Variants in HEATR5A observed in about 807,000 individuals in gnomAD.
HEATR5A encodes HEAT repeat containing 5A, also known as HEAT repeat-containing protein 5A.
Under a neutral mutation model 218.8 loss-of-function variants are expected in HEATR5A, and 178 were observed. The observed-to-expected ratio is 0.81, with a 90% confidence interval of 0.72 to 0.92. The LOEUF (loss-of-function observed/expected upper bound fraction) is 0.92, where lower values mean the gene tolerates loss of function less well. Ranked by LOEUF, HEATR5A falls within the 40% of genes least tolerant of loss-of-function variation. The pLI is 0.00. For synonymous variants in HEATR5A, 864 were observed against 871.6 expected, an observed-to-expected ratio of 0.99 and a Z score of 0.15; for missense variants, 2,420 against 2,418.9, an observed-to-expected ratio of 1.00 and a Z score of -0.01.
intron 20 of HEATR5A, 61 bp from the exon 21 acceptor site, chr14:31,344,126 T>C (rs1900934289): frequency 3.0e-6 from 3 of 1,000,882 alleles, no homozygotes; most frequent in Non-Finnish European, 2.7e-6. Flanking sequence ...TCTTTAAACA[T>C]ATATTACAGG....
At chr14:31,387,825 G>A (rs2030293952) in intron 7 of HEATR5A, among the ~76,000 whole-genome samples, 1 of 152,172 alleles carries the variant, frequency 6.6e-6, no homozygotes, top group Non-Finnish European at 1.5e-5. Context: ...CTCCCAAAGT[G>A]CTGGGATTAC....
rs1397348504 is a variant in HEATR5A at position 31,336,213 on chromosome 14, CATACATATATATATATATATATATAT to C, written c.3367+1237_3367+1262del. Among the ~76,000 whole-genome samples the C allele has an allele frequency of 6.2e-4, 56 of 90,742 alleles. 2 individuals are homozygous for C. The highest frequency in any genetic ancestry group is 1.9e-3 in the East Asian group (5 of 2,694). 59.5% of individuals were successfully genotyped at this position (90,742 alleles called of 152,430 possible). On this transcript the variant is annotated intron_variant, in intron 22 of 35. Transcript: ENST00000543095. ...AGGGGGTTATTTTTATATATACATA[CATACATATATATATATATATATATAT>C]ATATATATATATATATATATATATA...
intron 16 of HEATR5A, among the ~76,000 whole-genome samples, chr14:31,353,515 C>T (rs542555613): frequency 1.3e-4 from 20 of 152,146 alleles, no homozygotes; most frequent in East Asian, 1.9e-4. Context: ...GCAGGAGGAT[C>T]GCTTGAGCCC....
At chr14:31,390,970 C>T (rs1319333130) in intron 6 of HEATR5A, among the ~76,000 whole-genome samples, 4 of 152,078 alleles carry the variant, frequency 2.6e-5, no homozygotes, top group Non-Finnish European at 4.4e-5. Context: ...TGAAGACCAT[C>T]CAGTGGGACA....
Position 31,334,396 on chromosome 14 carries a change from G to C in HEATR5A, c.3367+3080C>G, listed in dbSNP as rs1188550129. The C allele has an allele frequency of 1.3e-5, 6 of 455,994 alleles. No homozygotes were observed. The Admixed American group carries it at 1.4e-4, about 11-fold the overall frequency. The allele number at this position is 455,994 out of a possible 1,614,324, so 28.2% of individuals were successfully genotyped here. A position where few individuals can be genotyped will look rare whatever the true frequency, so the allele number is the denominator to read the frequency against. ...AAGTAACTGAAAACCTTCTGGAAAGGATTATCATTCTAGATGGTTTCTGCA... is the reference window on the plus strand; with the variant it reads ...AAGTAACTGAAAACCTTCTGGAAAGCATTATCATTCTAGATGGTTTCTGCA... On this transcript the variant is annotated intron_variant, in intron 22 of 35. Transcript: ENST00000543095.
At chr14:31,335,816 T>C (rs1900630661) in intron 22 of HEATR5A, among the ~76,000 whole-genome samples, 1 of 151,760 alleles carries the variant, frequency 6.6e-6, no homozygotes. Context: ...ACCACACAGA[T>C]CTAATTTTTT....
chr14:31,390,688 C>T (rs932829350), intron 6 of HEATR5A, among the ~76,000 whole-genome samples: 1 of 152,114 alleles, frequency 6.6e-6, no homozygotes, highest in Non-Finnish European at 1.5e-5. Context: ...ACATTACTCA[C>T]GTGTCTGTGG....
intron 10 of HEATR5A, 36 bp downstream of exon 10, chr14:31,383,485 C>A: frequency 6.4e-7 from 1 of 1,556,696 alleles, no homozygotes; most frequent in Non-Finnish European, 8.7e-7. Context: ...TAACAAAAAG[C>A]ACCTCATTAT....
At chr14:31,352,677 G>C (rs1021589820) in intron 16 of HEATR5A, among the ~76,000 whole-genome samples, 1 of 152,142 alleles carries the variant, frequency 6.6e-6, no homozygotes, top group Admixed American at 6.6e-5. Context: ...TGTAATAAAG[G>C]CCAGGCGCAA....
rs770464678 is a variant in HEATR5A, at chr14:31,318,178, C to T, written c.4038+46G>A. On this transcript the variant is annotated intron_variant, in intron 26 of 35. Coordinates refer to ENST00000543095, the MANE Select transcript of HEATR5A (RefSeq NM_015473.4). ...TGGTAAAAAAATACTAACTGGAGGA[C>T]TGCTTCCCAAGATTATCTCTTAAGC... is the stretch of plus-strand genomic sequence containing the variant. The T allele has an allele frequency of 2.0e-6, 3 of 1,510,190 alleles. No homozygotes were observed. In the South Asian group the frequency reaches 3.4e-5, roughly 17 times the overall value. The allele number at this position is 1,510,190 out of a possible 1,614,324, so 93.5% of individuals were successfully genotyped here. A position where few individuals can be genotyped will look rare whatever the true frequency, so the allele number is the denominator to read the frequency against.
chr14:31,336,608 C>T (rs1288391847), intron 22 of HEATR5A, among the ~76,000 whole-genome samples: 1 of 152,064 alleles, frequency 6.6e-6, no homozygotes, highest in African/African-American at 2.4e-5. Flanking sequence ...CTAAGAAATC[C>T]TTTAATTCAG....
intron 3 of HEATR5A, among the ~76,000 whole-genome samples, chr14:31,399,488 T>G (rs1401672861): frequency 6.6e-6 from 1 of 152,226 alleles, no homozygotes; most frequent in Non-Finnish European, 1.5e-5. Context: ...TATGGGGGAA[T>G]ACATTCTGTT....
At chr14:31,405,059 C>CAAAAAAAAA (rs386381028) in intron 1 of HEATR5A, among the ~76,000 whole-genome samples, 1 of 97,894 alleles carries the variant, frequency 1.0e-5, no homozygotes. Flanking sequence ...CTGTCTCCAC[C>CAAAAAAAAA]AAAAAAAAAA....
At chr14:31,404,033 T>G (rs1040150269) in intron 1 of HEATR5A, among the ~76,000 whole-genome samples, 50 of 152,224 alleles carry the variant, frequency 3.3e-4, no homozygotes, top group African/African-American at 1.2e-3. Flanking sequence ...AGTGGGTATG[T>G]GAGTGATCAT....
chr14:31,320,517 G>C, intron 25 of HEATR5A: 1 of 1,215,860 alleles, frequency 8.2e-7, no homozygotes, highest in Non-Finnish European at 1.2e-6. Context: ...CTGTAGGAAG[G>C]CTGTTTAGAT....
intron 14 of HEATR5A, among the ~76,000 whole-genome samples, 187 bp from the exon 15 acceptor site, chr14:31,359,244 C>A: frequency 6.7e-6 from 1 of 149,494 alleles, no homozygotes; most frequent in Non-Finnish European, 1.5e-5. Context: ...TTGCTAGTAA[C>A]AAGGTTAAGA....
At chr14:31,328,732 T>C (rs1486016270) in intron 22 of HEATR5A, among the ~76,000 whole-genome samples, 1 of 151,696 alleles carries the variant, frequency 6.6e-6, no homozygotes, top group African/African-American at 2.4e-5. Context: ...TACAAAAAAT[T>C]AGCCAGGCAT....
chr14:31,382,139 G>T lies in HEATR5A; in HGVS notation c.1596+1382C>A, dbSNP rs186207441. ...GAAAGAAATTCCAAATATAATATGG[G>T]AATGGGAACCTTGTCTGAATTAATG... On this transcript the variant is annotated intron_variant, in intron 10 of 35. Transcript: ENST00000543095. Among the ~76,000 whole-genome samples the T allele has an allele frequency of 2.2e-4, 33 of 152,318 alleles. 1 individual carries two copies. The highest frequency in any genetic ancestry group is 5.9e-4 in the Admixed American group (9 of 15,304).
chr14:31,301,823 T>C (rs1899390868), intron 33 of HEATR5A, among the ~76,000 whole-genome samples: 3 of 143,498 alleles, frequency 2.1e-5, no homozygotes, highest in African/African-American at 7.9e-5. Context: ...TTTTTTTTTT[T>C]TTTTTTTTTT....
Sources: gnomAD v4.1 joint callset for allele counts (sites outside exome capture counted in the v4.1 genomes callset) on GRCh38, gnomAD v4.1.1 for gene constraint, MANE v1.5 for transcripts, NCBI Gene and HGNC (gene_info 2026-07-23, HGNC 2026-07-21) for gene names.